The following UBFD1 variants were observed in gnomAD, a reference collection of about 807,000 sequenced individuals.
UBFD1 encodes the protein ubiquitin domain-containing protein UBFD1.
In UBFD1, 12 loss-of-function variants were observed where a neutral mutation model predicts 35.1. The observed-to-expected ratio is 0.34, with a 90% confidence interval of 0.22 to 0.55. The LOEUF (loss-of-function observed/expected upper bound fraction) is 0.55. Ranked by LOEUF, UBFD1 falls within the 20% of genes least tolerant of loss-of-function variation. UBFD1 has a pLI of 0.89. For synonymous variants in UBFD1, 178 were observed against 167.6 expected (o/e 1.06, Z -0.48); for missense variants, 337 against 410.8 (o/e 0.82, Z 1.55).
chr16:23,557,893 A>G, intron 1 of UBFD1, 57 bp from the exon 2 acceptor site: 1 of 1,271,782 alleles, frequency 7.9e-7, no homozygotes, highest in Non-Finnish European at 9.9e-7. Context: ...GCGCCCGGAC[A>G]GCGTCCGTTC....
chr16:23,557,962 C>T lies in UBFD1; in HGVS notation c.38C>T (p.Pro13Leu), dbSNP rs755109834. Reference protein sequence around the residue: ...AAGAPDGMEEPGMDTEAETVA... With the variant: ...AAGAPDGMEELGMDTEAETVA... Reference sequence around the variant, plus strand: ...AACCCCCTTGCAGGCATGGAGGAACCTGGCATGGACACGGAGGCCGAGACT... The same window carrying T: ...AACCCCCTTGCAGGCATGGAGGAACTTGGCATGGACACGGAGGCCGAGACT... Residue 13 changes from proline (P) to leucine (L), a missense_variant, in exon 2 of 7, where the codon CCT (proline) becomes CTT (leucine). Around this residue, in one of 4 missense-constraint regions of UBFD1, gnomAD observed 198 missense variants for 168.4 expected, o/e 1.18. Transcript: ENST00000395878. 895 of 1,357,658 alleles carry T rather than the reference C, an allele frequency of 6.6e-4. No homozygotes were observed. Among genetic ancestry groups the T allele is most frequent in the Non-Finnish European group, 8.2e-4 (862 of 1,056,896 alleles). 84.1% of individuals were successfully genotyped at this position (1,357,658 alleles called of 1,614,324 possible).
intron 5 of UBFD1, chr16:23,566,595 C>T (rs1966015071): frequency 6.1e-6 from 1 of 164,494 alleles, no homozygotes; most frequent in African/African-American, 2.4e-5. Flanking sequence ...CTCCTGATCT[C>T]AGGTGATCCA....
Position 23,573,013 on chromosome 16 carries a change from CTT to C in UBFD1, c.*2425_*2426del, listed in dbSNP as rs1966106935. On this transcript the variant is annotated 3_prime_UTR_variant, in exon 7 of 7. Coordinates refer to ENST00000395878, the MANE Select transcript of UBFD1 (RefSeq NM_019116.3). ...GCCACAGTAGTATTCACTGTTTAGT[CTT>C]TGAGTTCCGTAAGCAGTCTCTTCAT... The C allele has an allele frequency of 6.6e-6, 1 of 152,234 alleles. No homozygotes were observed. Among genetic ancestry groups the C allele is most frequent in the South Asian group, 2.1e-4 (1 of 4,834 alleles). The allele number at this position is 152,234 out of a possible 1,614,324, so 9.4% of individuals were successfully genotyped here.
At chr16:23,562,419 C>A in intron 4 of UBFD1, 148 bp downstream of exon 4, 1 of 844,728 alleles carries the variant, frequency 1.2e-6, no homozygotes, top group Non-Finnish European at 1.8e-6. Flanking sequence ...TGGGGTGTGC[C>A]ACCACACCTG....
chr16:23,566,252 C>T (rs1055488469), intron 5 of UBFD1: 1 of 152,166 alleles, frequency 6.6e-6, no homozygotes, highest in African/African-American at 2.4e-5. Flanking sequence ...CACAGGGGAA[C>T]GTGTTGCCTC....
rs1966123415 is a variant in UBFD1 at position 23,574,163 on chromosome 16, A to G, written c.*3573A>G. 6.6e-6 allele frequency: 1 copy of G among 152,524 alleles called. No individual in the cohort carries two copies. 9.4% of individuals were successfully genotyped at this position (152,524 alleles called of 1,614,324 possible). ...TCTAAGAACCTTTTTTTTTTCTTAA[A>G]GAGTTCTGCTGAATTATTTGACAAT... On this transcript the variant is annotated 3_prime_UTR_variant, in exon 7 of 7. Transcript: ENST00000395878.
At chr16:23,558,375 T>TC (rs1965861057) in intron 2 of UBFD1, 96 bp downstream of exon 2, 5 of 1,443,660 alleles carry the variant, frequency 3.5e-6, no homozygotes, top group East Asian at 2.8e-5. Context: ...TTGCATCAGG[T>TC]CCCCCCATCC....
intron 3 of UBFD1, chr16:23,561,710 T>A (rs1014508656): frequency 6.6e-6 from 1 of 152,466 alleles, no homozygotes; most frequent in Non-Finnish European, 1.5e-5. Context: ...CAGCATCTTA[T>A]AGTGTTCTCT....
intron 3 of UBFD1, among the ~76,000 whole-genome samples, chr16:23,560,500 T>C (rs1451376406): frequency 6.6e-6 from 1 of 152,166 alleles, no homozygotes; most frequent in Non-Finnish European, 1.5e-5. Flanking sequence ...TTAGTGACCA[T>C]AGACACTAAG....
rs1039361608 is a variant in UBFD1 at position 23,571,203 on chromosome 16, T to G, written c.*613T>G. 1 of 152,704 alleles carries G rather than the reference T, an allele frequency of 6.5e-6. No individual in the cohort carries two copies. The highest frequency in any genetic ancestry group is 2.4e-5 in the African/African-American group (1 of 41,460). 9.5% of individuals were successfully genotyped at this position (152,704 alleles called of 1,614,324 possible). ...CCAAAGATGTCAGTTCTTCTTTTGG[T>G]ACCTCATCAACGCTTCCTTTCCTGG... On this transcript the variant is annotated 3_prime_UTR_variant, in exon 7 of 7. Coordinates refer to ENST00000395878, the MANE Select transcript of UBFD1 (RefSeq NM_019116.3).
chr16:23,567,054 A>G lies in UBFD1; in HGVS notation c.804A>G (p.Glu268=). The G allele has an allele frequency of 6.2e-7, 1 of 1,614,142 alleles. No homozygotes were observed. ...TCAGTGAACCTATCGAAGGACATGA[A>G]GACTACCACATGATGGTAAGTAGCG... ...NVVSEPIEGH[E]DYHMMAFQLG... is the part of the protein sequence containing the mutation. Residue 268 remains glutamate (E), a synonymous_variant, in exon 6 of 7, where the codon GAA becomes GAG. Transcript: ENST00000395878.
chr16:23,561,354 T>C (rs1965930736), intron 3 of UBFD1, among the ~76,000 whole-genome samples: 1 of 152,220 alleles, frequency 6.6e-6, no homozygotes, highest in Non-Finnish European at 1.5e-5. Context: ...TATCCATTCA[T>C]TGTCCCCTAG....
At chr16:23,567,176 A>T in intron 6 of UBFD1, 107 bp downstream of exon 6, 2 of 1,040,490 alleles carry the variant, frequency 1.9e-6, no homozygotes, top group South Asian at 2.9e-5. Context: ...CAGTCTCCAG[A>T]AGATGCACTT....
chr16:23,568,222 C>G (rs1359610323), intron 6 of UBFD1, among the ~76,000 whole-genome samples: 2 of 147,320 alleles, frequency 1.4e-5, no homozygotes, highest in East Asian at 4.1e-4. Flanking sequence ...TGCAGTGGCG[C>G]TATCTCGGCT....
In UBFD1 at chr16:23,558,207, A is replaced by G. The variant is rs1267709509; in HGVS notation, c.283A>G (p.Thr95Ala). Residue 95 changes from threonine to alanine, a missense_variant, in exon 2 of 7, where the codon ACC (threonine) becomes GCC (alanine). Transcript: ENST00000395878. ...LVDLKIIWNK[T>A]KHDVKFPLDS... ...GGACTTGAAGATCATCTGGAATAAGACCAAGCATGACGTGAAGTTCCCCCT... is the reference window on the plus strand; with the variant it reads ...GGACTTGAAGATCATCTGGAATAAGGCCAAGCATGACGTGAAGTTCCCCCT... The G allele has an allele frequency of 1.9e-6, 3 of 1,611,096 alleles. No individual in the cohort carries two copies. The highest frequency in any genetic ancestry group is 2.2e-5 in the East Asian group (1 of 44,536).
In UBFD1 at chr16:23,558,024, C is replaced by T. The variant is rs1965846832; in HGVS notation, c.100C>T (p.Leu34=). The T allele has an allele frequency of 1.5e-6, 2 of 1,359,492 alleles. No individual in the cohort carries two copies. The highest frequency in any genetic ancestry group is 1.9e-6 in the Non-Finnish European group (2 of 1,060,350). The allele number at this position is 1,359,492 out of a possible 1,614,324, so 84.2% of individuals were successfully genotyped here. The change falls in exon 2 of 7, where the codon CTG becomes TTG. Residue 34 remains leucine (L), a synonymous_variant. Coordinates refer to ENST00000395878, the MANE Select transcript of UBFD1 (RefSeq NM_019116.3). Reference sequence around the variant, plus strand: ...GGCTCCCGCGCGGCCCGTCAACTGCCTGGAGGCTGAAGCCGCGGCGGGGGC... The same window carrying T: ...GGCTCCCGCGCGGCCCGTCAACTGCTTGGAGGCTGAAGCCGCGGCGGGGGC... ...TEAPARPVNC[L]EAEAAAGAAA...
At chr16:23,561,869 GT>G (rs1391363106) in intron 3 of UBFD1, 1 of 195,482 alleles carries the variant, frequency 5.1e-6, no homozygotes, top group Non-Finnish European at 1.0e-5. Context: ...TGGAAATCCC[GT>G]TTGCTGTAGA....
Position 23,572,806 on chromosome 16 carries a change from A to G in UBFD1, c.*2216A>G, listed in dbSNP as rs1966103545. On this transcript the variant is annotated 3_prime_UTR_variant, in exon 7 of 7. Transcript: ENST00000395878. ...ATACTATATATAAATAATAATGTAAATGACACCTTTTCGTACGGAGCTGTT... is the reference window on the plus strand; with the variant it reads ...ATACTATATATAAATAATAATGTAAGTGACACCTTTTCGTACGGAGCTGTT... The G allele has an allele frequency of 6.6e-6, 1 of 152,590 alleles. No individual in the cohort carries two copies. Among genetic ancestry groups the G allele is most frequent in the Non-Finnish European group, 1.5e-5 (1 of 68,042 alleles). 9.5% of individuals were successfully genotyped at this position (152,590 alleles called of 1,614,324 possible).
chr16:23,564,418 G>T (rs547505824), intron 5 of UBFD1: 47 of 152,268 alleles, frequency 3.1e-4, no homozygotes, highest in African/African-American at 9.1e-4. Context: ...AGCAAGTTTT[G>T]CAGAATATCT....
Sources: gnomAD v4.1 joint callset for allele counts (sites outside exome capture counted in the v4.1 genomes callset) on GRCh38, gnomAD v4.1.1 for gene constraint, gnomAD v4.1.1 regional missense constraint, MANE v1.5 for transcripts, NCBI Gene and HGNC (gene_info 2026-07-23, HGNC 2026-07-21) for gene names.